The following CD38 variants were observed in gnomAD, a reference collection of about 807,000 sequenced individuals.
The protein encoded by CD38 is CD38 molecule.
A neutral mutation model predicts 36.3 loss-of-function variants in CD38; 31 were observed. The observed-to-expected ratio is 0.85, with a 90% CI of 0.64 to 1.15. The LOEUF is 1.15. Among genes scored for constraint, CD38 ranks in the 50% most tolerant of loss-of-function variants. The pLI is 0.00. For synonymous variants in CD38, 131 were observed against 135.2 expected, an observed-to-expected ratio of 0.97 and a Z score of 0.22; for missense variants, 380 against 371.9, an observed-to-expected ratio of 1.02 and a Z score of -0.18.
At chr4:15,788,820 A>C (rs949510206) in intron 1 of CD38, among the ~76,000 whole-genome samples, 8 of 152,262 alleles carry the variant, frequency 5.3e-5, no homozygotes, top group African/African-American at 1.7e-4. Context: ...CAGCAAAATG[A>C]CAAACTTAGT....
intron 4 of CD38, among the ~76,000 whole-genome samples, chr4:15,837,342 GTTTTT>G (rs139942522): frequency 6.6e-6 from 1 of 150,984 alleles, no homozygotes; most frequent in Non-Finnish European, 1.5e-5. Flanking sequence ...CAGAGGCCAT[GTTTTT>G]TTTTAATTTT....
At chr4:15,790,386 C>G (rs538213633) in intron 1 of CD38, among the ~76,000 whole-genome samples, 1 of 152,022 alleles carries the variant, frequency 6.6e-6, no homozygotes, top group Non-Finnish European at 1.5e-5. Flanking sequence ...CTGTGTTGGC[C>G]GGGCTGGTCT....
intron 4 of CD38, among the ~76,000 whole-genome samples, chr4:15,835,579 T>C (rs932680603): frequency 1.3e-5 from 2 of 152,004 alleles, no homozygotes; most frequent in African/African-American, 4.8e-5. Context: ...AGTTTCACCA[T>C]GTTGGCCAGG....
chr4:15,780,219 G>A (rs1269673054), intron 1 of CD38, among the ~76,000 whole-genome samples: 1 of 152,018 alleles, frequency 6.6e-6, no homozygotes, highest in African/African-American at 2.4e-5. Flanking sequence ...CAAATTCCAG[G>A]TATTCCATAT....
chr4:15,836,320 A>C (rs1042287786), intron 4 of CD38, among the ~76,000 whole-genome samples: 1 of 152,184 alleles, frequency 6.6e-6, no homozygotes, highest in Non-Finnish European at 1.5e-5. Context: ...AAAGGAACCT[A>C]GCTAGTTCCC....
At chr4:15,823,562 CAT>C (rs1379332360) in intron 2 of CD38, among the ~76,000 whole-genome samples, 9 of 152,256 alleles carry the variant, frequency 5.9e-5, no homozygotes, top group African/African-American at 1.9e-4. Context: ...GGCCAACAAA[CAT>C]ATGAAAAAAA....
rs1277207861 is a variant in CD38, at chr4:15,778,422, A to G, written c.8A>G (p.Asn3Ser). MA[N>S]CEFSPVSGDK... Reference sequence around the variant, plus strand: ...AACCCCGCCTGGAGCCCTATGGCCAACTGCGAGTTCAGCCCGGTGTCCGGG... The same window carrying G: ...AACCCCGCCTGGAGCCCTATGGCCAGCTGCGAGTTCAGCCCGGTGTCCGGG... Residue 3 changes from asparagine to serine, a missense_variant, in exon 1 of 8, where the codon AAC becomes AGC. By Grantham distance (46) the Asn-to-Ser change is conservative. Coordinates refer to ENST00000226279, the MANE Select transcript of CD38 (RefSeq NM_001775.4). The surrounding 1 kb of genome is among the most constrained non-coding windows in gnomAD (Gnocchi z 4.9). 1 of 1,613,620 alleles carries G rather than the reference A, an allele frequency of 6.2e-7. No homozygotes were observed. The highest frequency in any genetic ancestry group is 1.1e-5 in the South Asian group (1 of 91,060).
intron 1 of CD38, among the ~76,000 whole-genome samples, chr4:15,787,014 C>T (rs1288918442): frequency 6.6e-6 from 1 of 151,930 alleles, no homozygotes; most frequent in South Asian, 2.1e-4. Context: ...CTGCTGCGCT[C>T]GCCGGCCGCT....
chr4:15,799,061 T>C (rs973213860), intron 1 of CD38, among the ~76,000 whole-genome samples: 10 of 152,216 alleles, frequency 6.6e-5, no homozygotes, highest in African/African-American at 2.4e-4. Flanking sequence ...GGGTTGTGCC[T>C]TTTGTATCTT....
At chr4:15,795,990 G>A (rs983607270) in intron 1 of CD38, among the ~76,000 whole-genome samples, 7 of 152,078 alleles carry the variant, frequency 4.6e-5, no homozygotes, top group African/African-American at 1.7e-4. Flanking sequence ...GCACTTCATA[G>A]ATGAAATATT....
chr4:15,810,008 G>A (rs1479208098), intron 1 of CD38, among the ~76,000 whole-genome samples: 3 of 152,078 alleles, frequency 2.0e-5, no homozygotes, highest in Non-Finnish European at 4.4e-5. Flanking sequence ...ATTTCTCATT[G>A]CCTCTACTCA....
At chr4:15,838,264 C>A in intron 5 of CD38, 99 bp downstream of exon 5, 2 of 1,017,002 alleles carry the variant, frequency 2.0e-6, no homozygotes, top group South Asian at 2.8e-5. Flanking sequence ...TGTTTCAGGT[C>A]AGTTCTGAAG....
At chr4:15,812,390 G>C (rs946916702) in intron 1 of CD38, among the ~76,000 whole-genome samples, 3 of 152,142 alleles carry the variant, frequency 2.0e-5, no homozygotes, top group African/African-American at 4.8e-5. Flanking sequence ...GGAGAATACT[G>C]TCATCTTAAC....
Position 15,798,961 on chromosome 4 carries a change from C to T in CD38, c.234-17550C>T, listed in dbSNP as rs144761240. On this transcript the variant is annotated intron_variant, in intron 1 of 7. Coordinates refer to ENST00000226279, the MANE Select transcript of CD38 (RefSeq NM_001775.4). ...GTTATGTGGATTGCAAATAAAGTCT[C>T]CCAGTCTATGGCTTAACTCTTGACA... Among the ~76,000 whole-genome samples the T allele has an allele frequency of 2.7e-3, 407 of 152,240 alleles. 2 individuals carry two copies. Among genetic ancestry groups the T allele is most frequent in the Non-Finnish European group, 5.0e-3 (338 of 68,008 alleles).
chr4:15,836,432 CTTAGGTA>C (rs1175035689), intron 4 of CD38, among the ~76,000 whole-genome samples: 1 of 152,196 alleles, frequency 6.6e-6, no homozygotes, highest in South Asian at 2.1e-4. Context: ...TCACATTGGT[CTTAGGTA>C]TCAACATAAG....
intron 7 of CD38, among the ~76,000 whole-genome samples, chr4:15,842,030 A>C (rs59322494): frequency 2.8e-5 from 4 of 141,594 alleles, no homozygotes; most frequent in East Asian, 2.1e-4. Context: ...CAAAGCAGCC[A>C]GGAAGCTCGA....
chr4:15,813,596 T>A (rs1234352646), intron 1 of CD38, among the ~76,000 whole-genome samples: 1 of 152,116 alleles, frequency 6.6e-6, no homozygotes, highest in African/African-American at 2.4e-5. Flanking sequence ...TCCCTCCCCT[T>A]GCTCCCCACC....
chr4:15,826,444 G>A (rs1723847622), intron 3 of CD38, among the ~76,000 whole-genome samples: 1 of 139,880 alleles, frequency 7.1e-6, no homozygotes, highest in African/African-American at 2.8e-5. Context: ...ATTATTGTAA[G>A]AAACACTTTT....
chr4:15,778,586 C>G lies in CD38; in HGVS notation c.172C>G (p.Arg58Gly). Residue 58 changes from arginine (R) to glycine (G), a missense_variant, in exon 1 of 8, where the codon CGC becomes GGC. Transcript: ENST00000226279. The surrounding 1 kb of genome is among the most constrained non-coding windows in gnomAD (Gnocchi z 4.9). ...GTGGAGCGGTCCGGGCACCACCAAG[C>G]GCTTTCCCGAGACCGTCCTGGCGCG... is the stretch of plus-strand genomic sequence containing the variant. ...QQWSGPGTTK[R>G]FPETVLARCV... 2 of 1,613,670 alleles carry G rather than the reference C, an allele frequency of 1.2e-6. No homozygotes were observed. The highest frequency in any genetic ancestry group is 1.7e-6 in the Non-Finnish European group (2 of 1,179,990).
Sources: allele counts gnomAD v4.1 joint callset (sites outside exome capture counted in the v4.1 genomes callset), GRCh38; gene constraint gnomAD v4.1.1; non-coding constraint Gnocchi (gnomAD v3.1); transcripts MANE v1.5; gene names NCBI Gene and HGNC (gene_info 2026-07-23, HGNC 2026-07-21).